The following GLB1L3 variants were observed in gnomAD, a reference collection of about 807,000 sequenced individuals.
GLB1L3 encodes galactosidase beta 1 like 3.
GLB1L3 carries 89 observed loss-of-function variants against 89.5 expected under a neutral mutation model. The ratio of observed to expected loss-of-function variants is 0.99; its 90% confidence interval spans 0.84 to 1.19. The LOEUF (loss-of-function observed/expected upper bound fraction) is 1.19. GLB1L3 is among the 50% of genes most tolerant of loss of function. The probability of loss-of-function intolerance (pLI) is 0.00; values close to 1 mark genes in which losing one functional copy is unlikely to be tolerated. For missense variants in GLB1L3, 812 were observed against 813.3 expected, an observed-to-expected ratio of 1.00 and a Z score of 0.02; for synonymous variants, 314 against 312.3, an observed-to-expected ratio of 1.01 and a Z score of -0.06.
intron 3 of GLB1L3, among the ~76,000 whole-genome samples, chr11:134,280,171 A>G (rs1053084606): frequency 1.4e-5 from 2 of 147,020 alleles, no homozygotes; most frequent in African/African-American, 2.7e-5. Flanking sequence ...TTTCTGTTTT[A>G]TTTATTTATT....
Position 134,277,425 on chromosome 11 carries a change from T to C in GLB1L3, c.123T>C (p.Leu41=), listed in dbSNP as rs1410807692. ...PRFKQEENFM[L]GRAHPSQPRF... ...TTAAGCAGGAAGAGAACTTCATGCT[T>C]GGAAGAGCGCATCCGTCCCAGCCTA... The change falls in exon 2 of 20, where the codon CTT becomes CTC. Residue 41 remains leucine (L), a synonymous_variant. Transcript: ENST00000431683. 5 of 1,613,694 alleles carry C rather than the reference T, an allele frequency of 3.1e-6. No individual in the cohort carries two copies. In the Admixed American group the frequency reaches 6.7e-5, roughly 22 times the overall value.
At chr11:134,290,326 A>T (rs1941277554) in intron 7 of GLB1L3, among the ~76,000 whole-genome samples, 1 of 152,188 alleles carries the variant, frequency 6.6e-6, no homozygotes. Flanking sequence ...GAATCCCAGC[A>T]CTTTGTGAGG....
rs142472039 is a variant in GLB1L3 at position 134,298,245 on chromosome 11, AAATAAT to A, written c.876+5043_876+5048del. On this transcript the variant is annotated intron_variant, in intron 9 of 19. Transcript: ENST00000431683. Reference sequence around the variant, plus strand: ...TGAAATTTACCAAACATTAAGTAAGAAATAATAATAATTCTACACGATATGTTCCAG... The same window carrying A: ...TGAAATTTACCAAACATTAAGTAAGAAATAATTCTACACGATATGTTCCAG... 4.0e-4 allele frequency among the ~76,000 whole-genome samples: 61 copies of A among 152,124 alleles called. 1 individual carries two copies. Among genetic ancestry groups the A allele is most frequent in the Non-Finnish European group, 5.6e-4 (38 of 68,026 alleles).
intron 7 of GLB1L3, among the ~76,000 whole-genome samples, chr11:134,290,195 A>G (rs567652852): frequency 3.4e-5 from 5 of 148,022 alleles, no homozygotes; most frequent in Non-Finnish European, 7.6e-5. Flanking sequence ...AATCGGTTGT[A>G]TTCAGCCAGC....
At chr11:134,301,558 AG>A (rs1452797047) in intron 9 of GLB1L3, among the ~76,000 whole-genome samples, 1 of 152,080 alleles carries the variant, frequency 6.6e-6, no homozygotes, top group Non-Finnish European at 1.5e-5. Context: ...TTCTTTTCAA[AG>A]AACCGATTTT....
intron 1 of GLB1L3, 86 bp from the exon 2 acceptor site, chr11:134,277,240 A>C: frequency 1.9e-6 from 3 of 1,584,688 alleles, no homozygotes; most frequent in Non-Finnish European, 2.6e-6. Flanking sequence ...CTGGCCTCTA[A>C]AGCGCCCCCG....
chr11:134,309,571 T>G, intron 10 of GLB1L3, 55 bp from the exon 11 acceptor site: 1 of 1,441,570 alleles, frequency 6.9e-7, no homozygotes, highest in Non-Finnish European at 9.3e-7. Context: ...TGCCAGAGGC[T>G]TCTGTCTCCT....
At chr11:134,310,513 TGAA>T in intron 11 of GLB1L3, 55 bp from the exon 12 acceptor site, 1 of 1,380,482 alleles carries the variant, frequency 7.2e-7, no homozygotes, top group Non-Finnish European at 1.0e-6. Context: ...CCAGCGGTGC[TGAA>T]ACAGGGCCTC....
chr11:134,319,724 A>ATG (rs71464005), downstream of GLB1L3, among the ~76,000 whole-genome samples: 21,952 of 128,036 alleles, frequency 0.17, 2,004 homozygotes, highest in African/African-American at 0.26. Context: ...CTCTCTGTGT[A>ATG]TGTGTGTGTG....
intron 10 of GLB1L3, among the ~76,000 whole-genome samples, chr11:134,308,460 A>ATGT (rs1942468619): frequency 3.3e-5 from 1 of 30,708 alleles, no homozygotes; most frequent in Admixed American, 3.2e-4. Flanking sequence ...CACCACCACC[A>ATGT]CCACCACCAC....
At position 134,314,329 on chromosome 11, in the gene GLB1L3, G is replaced by A. The variant is rs1324379680; in HGVS notation, c.1668-1G>A. The A allele has an allele frequency of 3.2e-6, 5 of 1,544,414 alleles. No homozygotes were observed. Among genetic ancestry groups the A allele is most frequent in the Non-Finnish European group, 4.4e-6 (5 of 1,144,316 alleles). On this transcript the variant is annotated splice_acceptor_variant, in intron 17 of 19. Transcript: ENST00000431683. LOFTEE classifies it high-confidence loss of function. ...CCCCCATGGCTTGGCCTTTCTTCCA[G>A]GCTCCGCTCTGCCACCTGGAAGCCT... is the stretch of plus-strand genomic sequence containing the variant.
chr11:134,308,071 A>G (rs1032913607), intron 10 of GLB1L3, among the ~76,000 whole-genome samples: 1 of 151,490 alleles, frequency 6.6e-6, no homozygotes, highest in Admixed American at 6.6e-5. Context: ...AACACCAACA[A>G]TAATACCATC....
intron 9 of GLB1L3, among the ~76,000 whole-genome samples, chr11:134,302,873 C>A (rs917131623): frequency 2.6e-5 from 4 of 152,058 alleles, no homozygotes; most frequent in African/African-American, 9.7e-5. Flanking sequence ...TTTTCTATTT[C>A]CAATTGATTT....
intron 6 of GLB1L3, among the ~76,000 whole-genome samples, chr11:134,285,280 CTTCA>C (rs1940918024): frequency 6.6e-6 from 1 of 151,980 alleles, no homozygotes; most frequent in Non-Finnish European, 1.5e-5. Context: ...TAAGAAACGC[CTTCA>C]TTTTTACCAT....
intron 12 of GLB1L3, 31 bp from the exon 13 acceptor site, chr11:134,311,033 C>G: frequency 1.3e-6 from 2 of 1,557,534 alleles, no homozygotes; most frequent in Non-Finnish European, 1.8e-6. Context: ...ATCTCAGGCA[C>G]TTTTTGCCCT....
chr11:134,305,818 C>T (rs1481346977), intron 9 of GLB1L3, among the ~76,000 whole-genome samples: 1 of 151,654 alleles, frequency 6.6e-6, no homozygotes, highest in African/African-American at 2.4e-5. Context: ...AATCAGGGAA[C>T]CAAAAACAAC....
rs369721823 is a variant in GLB1L3 at position 134,318,954 on chromosome 11, A to G, written c.*12A>G. 145 of 1,548,652 alleles carry G rather than the reference A, an allele frequency of 9.4e-5. No homozygotes were observed. The highest frequency in any genetic ancestry group is 1.1e-4 in the Non-Finnish European group (133 of 1,158,940). Reference sequence around the variant, plus strand: ...AGCCCACGCTGTAAAACTGTGTCTGAACATTTTTTTTTTTTTTTGAGATGG... The same window carrying G: ...AGCCCACGCTGTAAAACTGTGTCTGGACATTTTTTTTTTTTTTTGAGATGG... On this transcript the variant is annotated 3_prime_UTR_variant, in exon 20 of 20. Transcript: ENST00000431683.
chr11:134,288,914 C>T, intron 7 of GLB1L3, 24 bp downstream of exon 7: 1 of 1,489,486 alleles, frequency 6.7e-7, no homozygotes, highest in African/African-American at 1.4e-5. Context: ...GGTTTGGCCC[C>T]ATGTTTACAT....
At chr11:134,297,004 T>C (rs565274460) in intron 9 of GLB1L3, among the ~76,000 whole-genome samples, 11 of 152,254 alleles carry the variant, frequency 7.2e-5, no homozygotes, top group South Asian at 4.1e-4. Context: ...TCAATTTTTG[T>C]GAGAGGAATG....
Sources: gnomAD v4.1 joint callset for allele counts (sites outside exome capture counted in the v4.1 genomes callset) on GRCh38, gnomAD v4.1.1 for gene constraint, MANE v1.5 for transcripts, NCBI Gene and HGNC (gene_info 2026-07-23, HGNC 2026-07-21) for gene names.